Variants in PAG1 observed in about 807,000 individuals in gnomAD.
PAG1 encodes phosphoprotein associated with glycosphingolipid-enriched microdomains 1.
In PAG1, 23 loss-of-function variants were observed where a neutral mutation model predicts 31.7. That is an observed-to-expected ratio of 0.73 (90% CI 0.52 to 1.03). The LOEUF (loss-of-function observed/expected upper bound fraction) is 1.03, where lower values mean the gene tolerates loss of function less well. Ranked by LOEUF, PAG1 falls within the 50% of genes least tolerant of loss-of-function variation. PAG1 has a pLI of 0.00. For missense variants in PAG1, 473 were observed against 540.7 expected (o/e 0.87, Z 1.24); for synonymous variants, 214 against 210.3 (o/e 1.02, Z -0.15).
chr8:81,007,662 A>G (rs1363698234), intron 3 of PAG1, among the ~76,000 whole-genome samples: 2 of 148,444 alleles, frequency 1.3e-5, no homozygotes, highest in Non-Finnish European at 3.0e-5. Flanking sequence ...AAAAAAAAAG[A>G]ACTTAAAAAA....
intron 1 of PAG1, among the ~76,000 whole-genome samples, chr8:81,110,062 A>C (rs953162045): frequency 3.3e-5 from 5 of 152,118 alleles, no homozygotes; most frequent in African/African-American, 9.7e-5. Context: ...CTAAAAAAAA[A>C]CCCTTTACAC....
intron 1 of PAG1, among the ~76,000 whole-genome samples, chr8:81,094,617 C>G (rs73692371): frequency 6.6e-6 from 1 of 151,822 alleles, no homozygotes; most frequent in African/African-American, 2.4e-5. Context: ...CTCTTCTTTG[C>G]AATATATATA....
chr8:81,037,102 A>T (rs1808473983), intron 2 of PAG1: 1 of 152,194 alleles, frequency 6.6e-6, no homozygotes, highest in Admixed American at 6.5e-5. Context: ...TATAAGTATG[A>T]CACCGGAAAA....
chr8:81,001,752 C>T (rs1055556764), intron 3 of PAG1, among the ~76,000 whole-genome samples: 3 of 152,184 alleles, frequency 2.0e-5, no homozygotes, highest in African/African-American at 7.2e-5. Context: ...GAAACTGAGG[C>T]TCAAAGTTCA....
chr8:81,054,869 C>T (rs945767629), intron 2 of PAG1, among the ~76,000 whole-genome samples: 1 of 151,982 alleles, frequency 6.6e-6, no homozygotes, highest in Non-Finnish European at 1.5e-5. Flanking sequence ...CTCAATCATA[C>T]CTACATTTCA....
chr8:81,028,939 C>A (rs1808330761), intron 3 of PAG1, among the ~76,000 whole-genome samples: 1 of 152,224 alleles, frequency 6.6e-6, no homozygotes, highest in South Asian at 2.1e-4. Context: ...CTCCCCTGGC[C>A]AATCTGAAAC....
In PAG1 at chr8:81,055,211, G is replaced by A. The variant is rs541357722; in HGVS notation, c.-175+14901C>T. 1.5e-4 allele frequency among the ~76,000 whole-genome samples: 23 copies of A among 151,924 alleles called. No individual in the cohort carries two copies. The East Asian group carries it at 4.3e-3, about 28-fold the overall frequency. ...CCCAAATAGCTGGGACTACAGGAAT[G>A]TACCACCATGCCTGGCTAATTTTTA... On this transcript the variant is annotated intron_variant, in intron 2 of 8. Coordinates refer to ENST00000220597, the MANE Select transcript of PAG1 (RefSeq NM_018440.4).
chr8:81,027,512 C>T (rs1202641714), intron 3 of PAG1, among the ~76,000 whole-genome samples: 1 of 152,194 alleles, frequency 6.6e-6, no homozygotes, highest in Admixed American at 6.5e-5. Flanking sequence ...TAATCCAATG[C>T]TCTACTGTAT....
At chr8:81,032,308 G>A (rs977223678) in intron 2 of PAG1, among the ~76,000 whole-genome samples, 8 of 152,086 alleles carry the variant, frequency 5.3e-5, no homozygotes, top group Non-Finnish European at 7.4e-5. Flanking sequence ...TATGCAAATC[G>A]TATGTGATAA....
chr8:81,098,609 C>A (rs552783748), intron 1 of PAG1, among the ~76,000 whole-genome samples: 2 of 152,264 alleles, frequency 1.3e-5, no homozygotes, highest in Admixed American at 6.5e-5. Context: ...TTTGACCCAA[C>A]AAAACCATGT....
chr8:81,079,301 A>G (rs908409940), intron 1 of PAG1, among the ~76,000 whole-genome samples: 1 of 152,176 alleles, frequency 6.6e-6, no homozygotes, highest in Admixed American at 6.6e-5. Flanking sequence ...CAAACAAGGC[A>G]GCCTCCAGTC....
At chr8:81,048,353 A>AC (rs1808675125) in intron 2 of PAG1, among the ~76,000 whole-genome samples, 1 of 151,824 alleles carries the variant, frequency 6.6e-6, no homozygotes, top group African/African-American at 2.4e-5. Context: ...CATTTACTCT[A>AC]CCCAAGGGGA....
chr8:81,084,983 G>A (rs1040744336), intron 1 of PAG1, among the ~76,000 whole-genome samples: 1 of 152,162 alleles, frequency 6.6e-6, no homozygotes, highest in Admixed American at 6.5e-5. Context: ...GAAAGTATCA[G>A]AGTCAAATAA....
At chr8:81,014,555 T>G (rs12544020) in intron 3 of PAG1, among the ~76,000 whole-genome samples, 2 of 152,038 alleles carry the variant, frequency 1.3e-5, no homozygotes, top group Non-Finnish European at 2.9e-5. Flanking sequence ...AATTTATATT[T>G]GTTTTTCTTT....
intron 1 of PAG1, among the ~76,000 whole-genome samples, chr8:81,106,669 T>C (rs1202537402): frequency 6.6e-6 from 1 of 152,192 alleles, no homozygotes; most frequent in Non-Finnish European, 1.5e-5. Context: ...TGAATTAACT[T>C]ATTGAACAAA....
chr8:81,097,529 A>C (rs2131093908), intron 1 of PAG1, among the ~76,000 whole-genome samples: 1 of 152,214 alleles, frequency 6.6e-6, no homozygotes, highest in African/African-American at 2.4e-5. Flanking sequence ...ACTTGTGAGA[A>C]AGTTATTGGC....
intron 3 of PAG1, among the ~76,000 whole-genome samples, chr8:80,997,935 T>C (rs564340035): frequency 2.6e-4 from 40 of 152,298 alleles, no homozygotes; most frequent in Admixed American, 2.6e-4. Context: ...ACTTGTTGTT[T>C]AGCCTTGAGA....
At chr8:81,104,136 G>A (rs1242771196) in intron 1 of PAG1, among the ~76,000 whole-genome samples, 3 of 152,098 alleles carry the variant, frequency 2.0e-5, no homozygotes, top group South Asian at 2.1e-4. Context: ...GACCAGAACC[G>A]GAAACTCTAG....
intron 1 of PAG1, among the ~76,000 whole-genome samples, chr8:81,105,967 G>A (rs955050464): frequency 2.6e-5 from 4 of 152,114 alleles, no homozygotes; most frequent in South Asian, 2.1e-4. Context: ...TACATGATAC[G>A]GTACCTAGGG....
Sources: gnomAD v4.1 joint callset for allele counts (sites outside exome capture counted in the v4.1 genomes callset) on GRCh38, gnomAD v4.1.1 for gene constraint, MANE v1.5 for transcripts, NCBI Gene and HGNC (gene_info 2026-07-23, HGNC 2026-07-21) for gene names.